The following PRUNE2 variants were observed in gnomAD, a reference collection of about 807,000 sequenced individuals.
The protein encoded by PRUNE2 is prune homolog 2 with BCH domain.
Under a neutral mutation model 252.0 loss-of-function variants are expected in PRUNE2, and 164 were observed. That is an observed-to-expected ratio of 0.65 (90% CI 0.57 to 0.74). The LOEUF is 0.74. PRUNE2 is among the 30% of genes least tolerant of loss of function. PRUNE2 has a pLI of 0.00. For missense variants in PRUNE2, 3,495 were observed against 3,711.0 expected (o/e 0.94, Z 1.51); for synonymous variants, 1,292 against 1,350.2 (o/e 0.96, Z 0.94).
At chr9:76,881,578 A>G (rs1442630147) in intron 1 of PRUNE2, among the ~76,000 whole-genome samples, 1 of 151,266 alleles carries the variant, frequency 6.6e-6, no homozygotes, top group Non-Finnish European at 1.5e-5. Context: ...GCAACCACCA[A>G]TTTACAATCC....
At chr9:76,653,144 AT>A (rs1405387429) in intron 10 of PRUNE2, among the ~76,000 whole-genome samples, 8 of 152,164 alleles carry the variant, frequency 5.3e-5, no homozygotes, top group African/African-American at 1.9e-4. Context: ...TTATTACTAA[AT>A]GGTTAGATAA....
At chr9:76,682,317 G>A (rs2043544430) in intron 9 of PRUNE2, among the ~76,000 whole-genome samples, 1 of 150,210 alleles carries the variant, frequency 6.7e-6, no homozygotes, top group Non-Finnish European at 1.5e-5. Flanking sequence ...AAAATATAAA[G>A]GAAAAATATT....
At chr9:76,846,711 G>A (rs925374339) in intron 3 of PRUNE2, 33 bp from the exon 4 acceptor site, 1 of 1,583,314 alleles carries the variant, frequency 6.3e-7, no homozygotes, top group African/African-American at 1.3e-5. Context: ...GAAGAGAAAG[G>A]GATATGGCAT....
At chr9:76,863,145 A>G (rs946957242) in intron 1 of PRUNE2, 26 of 152,222 alleles carry the variant, frequency 1.7e-4, no homozygotes, top group Non-Finnish European at 2.9e-4. Flanking sequence ...TGAATACTTC[A>G]GAAGATAATT....
intron 9 of PRUNE2, among the ~76,000 whole-genome samples, chr9:76,697,483 C>T (rs1441031208): frequency 6.6e-6 from 1 of 152,210 alleles, no homozygotes; most frequent in Non-Finnish European, 1.5e-5. Context: ...CAAGCACTCA[C>T]AGATCCACCG....
intron 6 of PRUNE2, among the ~76,000 whole-genome samples, chr9:76,728,266 T>G (rs2048291378): frequency 6.6e-6 from 1 of 152,162 alleles, no homozygotes; most frequent in East Asian, 1.9e-4. Context: ...AAAACCCATT[T>G]CTGGGCCTGA....
intron 11 of PRUNE2, among the ~76,000 whole-genome samples, chr9:76,649,222 A>G (rs1846150249): frequency 1.3e-5 from 2 of 152,226 alleles, no homozygotes; most frequent in South Asian, 2.1e-4. Flanking sequence ...GAGAATGACC[A>G]ATGCCACTTA....
At chr9:76,780,956 A>ACATCCACCAG (rs2054322395) in intron 6 of PRUNE2, among the ~76,000 whole-genome samples, 1 of 151,990 alleles carries the variant, frequency 6.6e-6, no homozygotes, top group African/African-American at 2.4e-5. Context: ...ACATCCACCA[A>ACATCCACCAG]GTTTTTATGC....
chr9:76,624,371 C>T (rs1345471245), intron 17 of PRUNE2, 81 bp downstream of exon 17: 2 of 908,742 alleles, frequency 2.2e-6, no homozygotes, highest in Non-Finnish European at 3.1e-6. Context: ...GAATAAAACA[C>T]CAGGCATGCA....
intron 15 of PRUNE2, among the ~76,000 whole-genome samples, chr9:76,631,762 T>C (rs139495446): frequency 3.9e-4 from 59 of 152,338 alleles, no homozygotes; most frequent in African/African-American, 1.4e-3. Flanking sequence ...ACAGATTATT[T>C]TGTCACCTAG....
Position 76,837,441 on chromosome 9 carries a change from A to AAATATTATAAT in PRUNE2, c.508+9073_508+9074insATTATAATATT, listed in dbSNP as rs147526426. On this transcript the variant is annotated intron_variant, in intron 4 of 18. Transcript: ENST00000376718. Reference sequence around the variant, plus strand: ...TGGCGACACAGTGAGACTCTGTCTCAAATAATAATAATAATAATAATAATA... The same window carrying AAATATTATAAT: ...TGGCGACACAGTGAGACTCTGTCTCAAATATTATAATAATAATAATAATAATAATAATAATA... Among the ~76,000 whole-genome samples, 154 of 134,830 alleles carry AAATATTATAAT rather than the reference A, an allele frequency of 1.1e-3. 1 individual carries two copies. Among genetic ancestry groups the AAATATTATAAT allele is most frequent in the Middle Eastern group, 4.0e-3 (1 of 252 alleles). 88.5% of individuals were successfully genotyped at this position (134,830 alleles called of 152,430 possible). A position where few individuals can be genotyped will look rare whatever the true frequency, so the allele number is the denominator to read the frequency against.
chr9:76,841,606 C>T (rs2059397816), intron 4 of PRUNE2, among the ~76,000 whole-genome samples: 1 of 152,188 alleles, frequency 6.6e-6, no homozygotes, highest in African/African-American at 2.4e-5. Flanking sequence ...CTGAAGTCAA[C>T]CTGGGATGCT....
chr9:76,768,583 A>ATGTGTGTGTGTGTGTGTG (rs55793596), intron 6 of PRUNE2, among the ~76,000 whole-genome samples: 3 of 103,242 alleles, frequency 2.9e-5, no homozygotes, highest in Admixed American at 8.8e-5. Context: ...ATGTATATGT[A>ATGTGTGTGTGTGTGTGTG]TGTGTGTGTG....
At chr9:76,854,816 G>A (rs565192986) in intron 1 of PRUNE2, among the ~76,000 whole-genome samples, 1 of 152,046 alleles carries the variant, frequency 6.6e-6, no homozygotes, top group Non-Finnish European at 1.5e-5. Flanking sequence ...TGTAATCCCA[G>A]CACTTTAGGA....
chr9:76,717,582 A>G (rs76238839), intron 6 of PRUNE2, among the ~76,000 whole-genome samples: 3,450 of 152,066 alleles, frequency 0.023, 57 homozygotes, highest in East Asian at 0.086. Context: ...TGTTCCCCCC[A>G]CTTAAATTAA....
chr9:76,850,654 T>G lies in PRUNE2; in HGVS notation c.153A>C (p.Pro51=). 1 of 1,613,168 alleles carries G rather than the reference T, an allele frequency of 6.2e-7. No homozygotes were observed. Among genetic ancestry groups the G allele is most frequent in the Non-Finnish European group, 8.5e-7 (1 of 1,179,254 alleles). ...TCAGCACTGGTAAACACAGAACCCC[T>G]GGTGGACTGACCTACCAAGAAAAAA... ...YAYFLDKVSP[P]GVLCLPVLNI... The change falls in exon 3 of 19, where the codon CCA becomes CCC. Residue 51 remains proline (P), a synonymous_variant. Transcript: ENST00000376718.
At chr9:76,855,064 C>CAAAAAA (rs772890225) in intron 1 of PRUNE2, among the ~76,000 whole-genome samples, 44 of 78,150 alleles carry the variant, frequency 5.6e-4, no homozygotes, top group African/African-American at 2.6e-3. Context: ...GACTCCATCT[C>CAAAAAA]AAAAAAAAAA....
intron 9 of PRUNE2, among the ~76,000 whole-genome samples, chr9:76,702,675 A>G (rs2045986592): frequency 6.6e-6 from 1 of 152,190 alleles, no homozygotes; most frequent in Admixed American, 6.5e-5. Flanking sequence ...CAATTAGGGA[A>G]TGAATGTGTT....
At chr9:76,826,543 C>A (rs1005874518) in intron 5 of PRUNE2, 37 bp downstream of exon 5, 3 of 1,476,904 alleles carry the variant, frequency 2.0e-6, no homozygotes, top group African/African-American at 2.8e-5. Flanking sequence ...CATCCCTACT[C>A]GGGAGGGACA....
Sources: allele counts gnomAD v4.1 joint callset (sites outside exome capture counted in the v4.1 genomes callset), GRCh38; gene constraint gnomAD v4.1.1; transcripts MANE v1.5; gene names NCBI Gene and HGNC (gene_info 2026-07-23, HGNC 2026-07-21).